The following SEC14L3 variants were observed in gnomAD, a reference collection of about 807,000 sequenced individuals.
SEC14L3 encodes SEC14-like protein 3.
In SEC14L3, 56 loss-of-function variants were observed where a neutral mutation model predicts 57.4. The ratio of observed to expected loss-of-function variants is 0.97; its 90% CI spans 0.79 to 1.22. The LOEUF (loss-of-function observed/expected upper bound fraction) is 1.22. Ranked by LOEUF, SEC14L3 falls within the 50% of genes most tolerant of loss-of-function variation. SEC14L3 has a pLI of 0.00. For synonymous variants in SEC14L3, 173 were observed against 194.4 expected (o/e 0.89, Z 0.92); for missense variants, 485 against 511.7 (o/e 0.95, Z 0.50).
chr22:30,458,051 G>A (rs1238231638), downstream of SEC14L3, among the ~76,000 whole-genome samples: 1 of 152,176 alleles, frequency 6.6e-6, no homozygotes, highest in African/African-American at 2.4e-5. Context: ...CTCATAGCCT[G>A]CCCACGGATG....
chr22:30,465,457 G>T (rs1431791640), intron 7 of SEC14L3, among the ~76,000 whole-genome samples: 1 of 148,692 alleles, frequency 6.7e-6, no homozygotes, highest in Non-Finnish European at 1.5e-5. Flanking sequence ...CAGCCAGCCA[G>T]TCAGTCAAAT....
chr22:30,452,401 C>G (rs5997650), intron 12 of SEC14L3, among the ~76,000 whole-genome samples: 1 of 151,462 alleles, frequency 6.6e-6, no homozygotes, highest in East Asian at 1.9e-4. Context: ...CCGGCCACCA[C>G]GACTGGCTAA....
chr22:30,454,518 T>TTATTATATATAATCTATAATAA (rs1569224905), downstream of SEC14L3, among the ~76,000 whole-genome samples: 6 of 123,070 alleles, frequency 4.9e-5, no homozygotes, highest in African/African-American at 9.4e-5. Context: ...TATAATAATA[T>TTATTATATATAATCTATAATAA]TATTATATAT....
chr22:30,469,913 G>T, intron 4 of SEC14L3, 106 bp downstream of exon 4: 1 of 813,676 alleles, frequency 1.2e-6, no homozygotes, highest in Non-Finnish European at 2.0e-6. Context: ...CTGCAGGCCT[G>T]CGGGTTCCAC....
downstream of SEC14L3, among the ~76,000 whole-genome samples, chr22:30,458,682 A>G (rs565161233): frequency 1.6e-4 from 24 of 152,240 alleles, no homozygotes; most frequent in South Asian, 1.0e-3. Context: ...AGGCGGTATT[A>G]CAAGGCAACT....
At chr22:30,462,603 T>G (rs1891910757) in intron 8 of SEC14L3, among the ~76,000 whole-genome samples, 1 of 152,088 alleles carries the variant, frequency 6.6e-6, no homozygotes, top group Non-Finnish European at 1.5e-5. Flanking sequence ...GGTTTTTTTT[T>G]GTAGAGATAG....
At chr22:30,466,777 G>A (rs1202588907) in intron 6 of SEC14L3, among the ~76,000 whole-genome samples, 1 of 152,142 alleles carries the variant, frequency 6.6e-6, no homozygotes, top group Admixed American at 6.6e-5. Context: ...AAGCTGGAAC[G>A]TGTGGTCTCA....
At chr22:30,449,015 AAAG>A in exon 13 of SEC14L3, 1 of 1,465,538 alleles carries the variant, frequency 6.8e-7, no homozygotes, top group South Asian at 1.2e-5. Flanking sequence ...CAAATGGGAA[AAAG>A]AATTAACTGG....
chr22:30,467,823 T>C (rs1387477351), intron 5 of SEC14L3, among the ~76,000 whole-genome samples: 2 of 152,246 alleles, frequency 1.3e-5, no homozygotes, highest in Non-Finnish European at 2.9e-5. Context: ...TATTAGGCCC[T>C]GTGTGCTAAA....
downstream of SEC14L3, among the ~76,000 whole-genome samples, chr22:30,455,072 A>AT (rs1201955943): frequency 7.3e-5 from 6 of 81,922 alleles, no homozygotes; most frequent in African/African-American, 3.5e-4. Flanking sequence ...TATATAATAT[A>AT]TAATATATTA....
At chr22:30,467,888 C>T (rs545506213) in intron 5 of SEC14L3, among the ~76,000 whole-genome samples, 91 of 152,340 alleles carry the variant, frequency 6.0e-4, no homozygotes, top group Non-Finnish European at 1.1e-3. Flanking sequence ...ATTCATATCC[C>T]TGTTTTATAG....
rs1375794841 is a variant in SEC14L3 at position 30,449,126 on chromosome 22, GC to G, written c.1022del (p.Cys341SerfsTer3). The G allele has an allele frequency of 6.4e-7, 1 of 1,550,588 alleles. No individual in the cohort carries two copies. Among genetic ancestry groups the G allele is most frequent in the Admixed American group, 2.0e-5 (1 of 51,002 alleles). The stretch of plus-strand genomic sequence containing the variant: ...GGAGGGGTAAAGGCCTACTTAGCTT[GC>G]ATTTTCGTACCATTTGGTATGCCAT... On this transcript the variant is annotated frameshift_variant, in exon 13 of 13. Coordinates refer to the SEC14L3 transcript ENST00000403066. LOFTEE classifies it high-confidence loss of function.
In SEC14L3 at chr22:30,471,936, A is replaced by G. The variant is rs773100462; in HGVS notation, c.23T>C (p.Leu8Pro). The change falls in exon 1 of 12, where the codon CTG becomes CCG. Residue 8 changes from leucine (L) to proline (P), a missense_variant. Physicochemically the swap from Leu to Pro is moderately conservative, Grantham distance 98. Coordinates refer to ENST00000215812, the MANE Select transcript of SEC14L3 (RefSeq NM_174975.5). MSGRVGD[L>P]SPKQAETLAK... The stretch of plus-strand genomic sequence containing the variant: ...CAGGGTCTCTGCCTGTTTGGGGCTC[A>G]GGTCTCCAACTCGGCCGCTCATGGT... 2.5e-6 allele frequency: 4 copies of G among 1,611,178 alleles called. No homozygotes were observed. The South Asian group carries it at 4.4e-5, about 18-fold the overall frequency.
intron 4 of SEC14L3, chr22:30,469,044 A>T (rs1019722512): frequency 8.8e-6 from 10 of 1,132,150 alleles, no homozygotes; most frequent in Non-Finnish European, 9.4e-6. Context: ...CTGGCTGGGC[A>T]TGGAGGCTCA....
chr22:30,457,099 C>A (rs1601812325), downstream of SEC14L3, among the ~76,000 whole-genome samples: 1 of 152,256 alleles, frequency 6.6e-6, no homozygotes, highest in Non-Finnish European at 1.5e-5. Context: ...AACATCGAGG[C>A]CTTTCCTTTG....
chr22:30,471,268 G>A (rs1935602224), intron 1 of SEC14L3: 1 of 455,250 alleles, frequency 2.2e-6, no homozygotes, highest in African/African-American at 2.0e-5. Flanking sequence ...CTGGATGACA[G>A]AGACTCCATC....
exon 13 of SEC14L3, chr22:30,449,235 C>A (rs1934933917): frequency 6.4e-7 from 1 of 1,550,438 alleles, no homozygotes; most frequent in Non-Finnish European, 8.7e-7. Context: ...CCCAGACTCA[C>A]TTTCCACATC....
rs1181167280 is a variant in SEC14L3 at position 30,465,032 on chromosome 22, C to T, written c.581-129G>A. The T allele has an allele frequency of 4.3e-6, 6 of 1,386,642 alleles. No individual in the cohort carries two copies. The East Asian group carries it at 7.4e-5, about 17-fold the overall frequency. 85.9% of individuals were successfully genotyped at this position (1,386,642 alleles called of 1,614,324 possible). ...GGTCAATTCCAGTGTCTGTCCTGCA[C>T]CCAACAAACCATCCAACCAACCAGT... is the stretch of plus-strand genomic sequence containing the variant. On this transcript the variant is annotated intron_variant, in intron 7 of 11. Transcript: ENST00000215812.
At chr22:30,454,763 A>T (rs1274900024), downstream of SEC14L3, among the ~76,000 whole-genome samples, 4 of 83,092 alleles carry the variant, frequency 4.8e-5, no homozygotes, top group East Asian at 7.7e-4. Flanking sequence ...TATAATATAT[A>T]ATATATAATA....
Sources: gnomAD v4.1 joint callset for allele counts (sites outside exome capture counted in the v4.1 genomes callset) on GRCh38, gnomAD v4.1.1 for gene constraint, MANE v1.5 for transcripts, NCBI Gene and HGNC (gene_info 2026-07-23, HGNC 2026-07-21) for gene names.